The following PLS1 variants were observed in gnomAD, a reference collection of about 807,000 sequenced individuals.
PLS1 encodes the protein plastin-1.
A neutral mutation model predicts 73.7 loss-of-function variants in PLS1; 32 were observed. The observed-to-expected ratio is 0.43, with a 90% CI of 0.33 to 0.58. PLS1 has a LOEUF of 0.58. Among genes scored for constraint, PLS1 ranks in the 20% least tolerant of loss-of-function variants. The pLI, the probability that PLS1 is intolerant of heterozygous loss-of-function variation, is 0.04. For missense variants in PLS1, 633 were observed against 740.5 expected (o/e 0.85, Z 1.68); for synonymous variants, 217 against 261.3 (o/e 0.83, Z 1.63).
At chr3:142,628,795 T>C (rs1196932663) in intron 1 of PLS1, among the ~76,000 whole-genome samples, 3 of 152,324 alleles carry the variant, frequency 2.0e-5, no homozygotes, top group South Asian at 4.1e-4. Flanking sequence ...CCTTATGACT[T>C]AATGAAAAAA....
intron 1 of PLS1, among the ~76,000 whole-genome samples, chr3:142,639,433 G>A (rs770976478): frequency 2.0e-5 from 3 of 152,144 alleles, no homozygotes; most frequent in Non-Finnish European, 2.9e-5. Flanking sequence ...GAATGGGTTC[G>A]GATTGTCAAA....
intron 2 of PLS1, among the ~76,000 whole-genome samples, chr3:142,664,694 AT>A (rs2037440053): frequency 1.3e-5 from 2 of 152,342 alleles, no homozygotes; most frequent in African/African-American, 4.8e-5. Flanking sequence ...CATGCAGAAT[AT>A]TTTTAAAATC....
intron 14 of PLS1, among the ~76,000 whole-genome samples, chr3:142,709,789 C>A (rs912046680): frequency 2.0e-5 from 3 of 150,434 alleles, no homozygotes; most frequent in Admixed American, 6.6e-5. Context: ...TGCACGCCAG[C>A]CTGGGCAACA....
intron 12 of PLS1, among the ~76,000 whole-genome samples, chr3:142,702,737 A>G (rs1349163319): frequency 1.3e-5 from 2 of 152,186 alleles, no homozygotes; most frequent in Non-Finnish European, 2.9e-5. Context: ...AAAAAAAATT[A>G]TTAGAGAAAG....
intron 9 of PLS1, among the ~76,000 whole-genome samples, chr3:142,687,797 C>T (rs2038003148): frequency 6.6e-6 from 1 of 151,962 alleles, no homozygotes; most frequent in African/African-American, 2.4e-5. Context: ...ACCACAATAC[C>T]TTATCATACC....
chr3:142,661,013 C>T (rs1233712669), intron 1 of PLS1, among the ~76,000 whole-genome samples: 3 of 151,854 alleles, frequency 2.0e-5, no homozygotes, highest in Non-Finnish European at 4.4e-5. Context: ...AAAATTGGGC[C>T]CCTATTTTTA....
intron 1 of PLS1, among the ~76,000 whole-genome samples, chr3:142,650,956 T>C (rs1357302880): frequency 6.6e-6 from 1 of 152,092 alleles, no homozygotes; most frequent in African/African-American, 2.4e-5. Flanking sequence ...CTGTGGTTAA[T>C]AGGCTTGTGA....
Position 142,683,995 on chromosome 3 carries a change from TGGCA to T in PLS1, c.580-10_580-7del. 2 of 1,589,400 alleles carry T rather than the reference TGGCA, an allele frequency of 1.3e-6. No homozygotes were observed. The highest frequency in any genetic ancestry group is 1.7e-6 in the Non-Finnish European group (2 of 1,169,968). On this transcript the variant is annotated splice_polypyrimidine_tract_variant and splice_region_variant and intron_variant, in intron 6 of 15. Coordinates refer to ENST00000457734, the MANE Select transcript of PLS1 (RefSeq NM_001145319.2). ...ACTTCCTCATGTGTACTTTTTTTTT[TGGCA>T]ATTCAGGAAAATTTAAACCTAGCTC...
intron 1 of PLS1, among the ~76,000 whole-genome samples, chr3:142,663,576 G>A (rs2037417691): frequency 6.6e-6 from 1 of 152,166 alleles, no homozygotes; most frequent in Non-Finnish European, 1.5e-5. Flanking sequence ...GCACATGCCT[G>A]TAGTCCTACC....
chr3:142,687,951 GTT>G (rs35592296), intron 9 of PLS1, among the ~76,000 whole-genome samples: 12 of 137,440 alleles, frequency 8.7e-5, no homozygotes, highest in Admixed American at 1.5e-4. Context: ...TTATTTGTTT[GTT>G]TTTTTTTTTT....
At chr3:142,696,720 AAATAATAATAATAAT>A (rs370809568) in intron 11 of PLS1, among the ~76,000 whole-genome samples, 50 of 136,858 alleles carry the variant, frequency 3.7e-4, no homozygotes, top group Admixed American at 1.4e-3. Context: ...TCTATTTGCA[AAATAATAATAATAAT>A]AATAATAATA....
At chr3:142,696,344 TC>T (rs949102910) in intron 11 of PLS1, among the ~76,000 whole-genome samples, 61 of 152,326 alleles carry the variant, frequency 4.0e-4, no homozygotes, top group African/African-American at 1.1e-3. Context: ...GCATAGGGCT[TC>T]TGAGCATATA....
chr3:142,702,890 G>C (rs1208587957), intron 12 of PLS1, among the ~76,000 whole-genome samples: 2 of 152,132 alleles, frequency 1.3e-5, no homozygotes, highest in Admixed American at 6.5e-5. Context: ...ATTTGTGCAC[G>C]TAAAAATTTT....
Position 142,686,339 on chromosome 3 carries a change from A to T in PLS1, c.944A>T (p.Asp315Val), listed in dbSNP as rs756248797. ...CAGATTGCCCCTAAAGGTGGGGAAG[A>T]TGGACCTGCCATTGCCATTGACCTT... ...LNQIAPKGGE[D>V]GPAIAIDLSG... Residue 315 changes from aspartate to valine, a missense_variant, in exon 9 of 16, where the codon GAT becomes GTT. Transcript: ENST00000457734. The T allele has an allele frequency of 2.5e-6, 4 of 1,611,090 alleles. No individual in the cohort carries two copies. Among genetic ancestry groups the T allele is most frequent in the Non-Finnish European group, 3.4e-6 (4 of 1,177,388 alleles).
chr3:142,598,245 A>G (rs1368539261), intron 1 of PLS1, among the ~76,000 whole-genome samples: 1 of 152,192 alleles, frequency 6.6e-6, no homozygotes, highest in Non-Finnish European at 1.5e-5. Flanking sequence ...CAGGTTGTGT[A>G]AGCTCTTGGA....
At chr3:142,647,952 G>A in intron 1 of PLS1, among the ~76,000 whole-genome samples, 1 of 152,188 alleles carries the variant, frequency 6.6e-6, no homozygotes, top group Non-Finnish European at 1.5e-5. Flanking sequence ...GGCTCAGTGA[G>A]AAAGAACTGC....
At chr3:142,700,472 G>C (rs1411117278) in intron 12 of PLS1, among the ~76,000 whole-genome samples, 1 of 151,952 alleles carries the variant, frequency 6.6e-6, no homozygotes, top group Non-Finnish European at 1.5e-5. Flanking sequence ...ACAGGCGCCC[G>C]CCACCACGCT....
At chr3:142,670,257 G>A (rs2037577321) in intron 3 of PLS1, among the ~76,000 whole-genome samples, 1 of 152,220 alleles carries the variant, frequency 6.6e-6, no homozygotes, top group Admixed American at 6.5e-5. Flanking sequence ...ATGACAGCAT[G>A]TGTAGAGTCC....
At position 142,689,429 on chromosome 3, in the gene PLS1, C is replaced by CATAAATAAATAAATAA. The variant is rs60286789; in HGVS notation, c.982-175_982-160dup. ...CAGAGCAAGACTCTGTCTCTAAATA[C>CATAAATAAATAAATAA]ATAAATAAATAAATAAATAAATAAA... On this transcript the variant is annotated intron_variant, in intron 9 of 15. Transcript: ENST00000457734. Among the ~76,000 whole-genome samples the CATAAATAAATAAATAA allele has an allele frequency of 8.1e-4, 120 of 148,590 alleles. 2 individuals carry two copies. Among genetic ancestry groups the CATAAATAAATAAATAA allele is most frequent in the African/African-American group, 2.6e-3 (104 of 40,264 alleles).
Sources: gnomAD v4.1 joint callset for allele counts (sites outside exome capture counted in the v4.1 genomes callset) on GRCh38, gnomAD v4.1.1 for gene constraint, MANE v1.5 for transcripts, NCBI Gene and HGNC (gene_info 2026-07-23, HGNC 2026-07-21) for gene names.